Variants in RALA observed in about 807,000 individuals in gnomAD.
The protein encoded by RALA is RAS like proto-oncogene A.
A neutral mutation model predicts 24.0 loss-of-function variants in RALA; 5 were observed. The ratio of observed to expected loss-of-function variants is 0.21; its 90% CI spans 0.11 to 0.44. The LOEUF (loss-of-function observed/expected upper bound fraction) is 0.44. Ranked by LOEUF, RALA falls within the 20% of genes least tolerant of loss-of-function variation. The probability of loss-of-function intolerance (pLI) is 0.99; values close to 1 mark genes in which losing one functional copy is unlikely to be tolerated. For synonymous variants in RALA, 77 were observed against 83.8 expected, an observed-to-expected ratio of 0.92 and a Z score of 0.44; for missense variants, 95 against 241.2, an observed-to-expected ratio of 0.39 and a Z score of 4.01.
At chr7:39,690,278 C>G in intron 2 of RALA, 104 bp from the exon 3 acceptor site, 1 of 923,046 alleles carries the variant, frequency 1.1e-6, no homozygotes, top group South Asian at 1.8e-5. Context: ...GTATACAGAA[C>G]TCTTCTTGTA....
chr7:39,661,764 T>G (rs1792195059), intron 1 of RALA, among the ~76,000 whole-genome samples: 1 of 152,224 alleles, frequency 6.6e-6, no homozygotes, highest in Non-Finnish European at 1.5e-5. Context: ...TTTACCATTC[T>G]AGGGTCTGGA....
At chr7:39,705,990 C>T (rs1351441398) in intron 4 of RALA, 133 bp from the exon 5 acceptor site, 15 of 735,542 alleles carry the variant, frequency 2.0e-5, no homozygotes, top group Non-Finnish European at 2.5e-5. Flanking sequence ...TTATGCTTTC[C>T]GCTCTGTACT....
chr7:39,672,484 C>T (rs1380824708), intron 1 of RALA, among the ~76,000 whole-genome samples: 1 of 152,184 alleles, frequency 6.6e-6, no homozygotes, highest in Non-Finnish European at 1.5e-5. Flanking sequence ...CATTTAATCA[C>T]ACACCATACA....
At chr7:39,695,939 T>C (rs772749490) in intron 3 of RALA, among the ~76,000 whole-genome samples, 5 of 152,206 alleles carry the variant, frequency 3.3e-5, no homozygotes, top group Non-Finnish European at 5.9e-5. Flanking sequence ...TTTTTGAATA[T>C]TTACTCTGTC....
chr7:39,656,670 T>G (rs900019355), intron 1 of RALA, among the ~76,000 whole-genome samples: 1 of 152,188 alleles, frequency 6.6e-6, no homozygotes, highest in Non-Finnish European at 1.5e-5. Flanking sequence ...CTGAAGGAAG[T>G]TAGTTGAACT....
At chr7:39,670,252 C>A (rs1277044850) in intron 1 of RALA, among the ~76,000 whole-genome samples, 1 of 152,270 alleles carries the variant, frequency 6.6e-6, no homozygotes, top group Admixed American at 6.5e-5. Context: ...CTTAAGTGAT[C>A]TTCTCACCTG....
In RALA at chr7:39,643,161, A is replaced by G. The variant is rs142753981; in HGVS notation, c.-38+19336A>G. Among the ~76,000 whole-genome samples the G allele has an allele frequency of 3.3e-4, 50 of 152,350 alleles. No individual in the cohort carries two copies. The East Asian group carries it at 9.2e-3, about 28-fold the overall frequency. On this transcript the variant is annotated intron_variant, in intron 1 of 4. Coordinates refer to ENST00000005257, the MANE Select transcript of RALA (RefSeq NM_005402.4). ...AGATAAGGAAACTTAAGACTATACC[A>G]TTAAGAATTAGGAAGTAAAGTTCAA...
intron 3 of RALA, among the ~76,000 whole-genome samples, chr7:39,691,525 T>C (rs1350817965): frequency 2.0e-5 from 3 of 152,136 alleles, no homozygotes; most frequent in Non-Finnish European, 4.4e-5. Flanking sequence ...TGGGAAACCT[T>C]CATGAAATAG....
chr7:39,699,286 G>A (rs545553810), intron 4 of RALA, among the ~76,000 whole-genome samples: 2 of 149,948 alleles, frequency 1.3e-5, no homozygotes, highest in Non-Finnish European at 3.0e-5. Flanking sequence ...GACTACAGGC[G>A]CCCGCCACCG....
chr7:39,695,517 T>A (rs376480190), intron 3 of RALA, among the ~76,000 whole-genome samples: 23 of 151,844 alleles, frequency 1.5e-4, no homozygotes, highest in Admixed American at 7.2e-4. Context: ...GCTCAAGCGA[T>A]CTTCCTGAGT....
rs553338840 is a variant in RALA at position 39,654,335 on chromosome 7, T to C, written c.-38+30510T>C. The stretch of plus-strand genomic sequence containing the variant: ...TCAGCTCAGTCTCCAATCCTCTTTC[T>C]TTATCTGTTTGAATTCTTTGATGGG... On this transcript the variant is annotated intron_variant, in intron 1 of 4. Coordinates refer to ENST00000005257, the MANE Select transcript of RALA (RefSeq NM_005402.4). 3.0e-4 allele frequency among the ~76,000 whole-genome samples: 46 copies of C among 152,332 alleles called. No homozygotes were observed. In the South Asian group the frequency reaches 7.9e-3, roughly 26 times the overall value.
At position 39,706,765 on chromosome 7, in the gene RALA, T is replaced by A. The variant is rs942612476; in HGVS notation, c.*520T>A. 1 of 152,568 alleles carries A rather than the reference T, an allele frequency of 6.6e-6. No individual in the cohort carries two copies. The highest frequency in any genetic ancestry group is 2.4e-5 in the African/African-American group (1 of 41,470). The allele number at this position is 152,568 out of a possible 1,614,324, so 9.5% of individuals were successfully genotyped here. ...ATAGTTAAACTGAGAGTAATTCATC[T>A]GTGAATCTGCTTTAATTACCTGGTG... On this transcript the variant is annotated 3_prime_UTR_variant, in exon 5 of 5. Transcript: ENST00000005257.
intron 3 of RALA, among the ~76,000 whole-genome samples, chr7:39,696,259 T>A (rs1792918703): frequency 1.3e-5 from 2 of 152,208 alleles, no homozygotes; most frequent in South Asian, 4.1e-4. Context: ...ACTTTCTAAA[T>A]CTTCCTCCCA....
At chr7:39,627,547 A>C (rs1360599321) in intron 1 of RALA, among the ~76,000 whole-genome samples, 1 of 151,644 alleles carries the variant, frequency 6.6e-6, no homozygotes, top group Non-Finnish European at 1.5e-5. Flanking sequence ...AATAAGACAT[A>C]GTTAGATTAT....
chr7:39,663,471 G>T (rs1303022263), intron 1 of RALA, among the ~76,000 whole-genome samples: 1 of 152,092 alleles, frequency 6.6e-6, no homozygotes, highest in Non-Finnish European at 1.5e-5. Context: ...GGACCCATAA[G>T]AAATGTTACT....
At chr7:39,636,067 G>A (rs1438983317) in intron 1 of RALA, among the ~76,000 whole-genome samples, 2 of 152,200 alleles carry the variant, frequency 1.3e-5, no homozygotes, top group Non-Finnish European at 2.9e-5. Flanking sequence ...GCTGAATAAT[G>A]TTCCATTGTG....
intron 1 of RALA, among the ~76,000 whole-genome samples, chr7:39,662,348 C>T (rs1014644302): frequency 2.0e-5 from 3 of 152,136 alleles, no homozygotes; most frequent in Non-Finnish European, 4.4e-5. Context: ...TTGAATTACT[C>T]CTCAGAAAAT....
At chr7:39,628,522 C>T (rs1791535671) in intron 1 of RALA, among the ~76,000 whole-genome samples, 1 of 152,076 alleles carries the variant, frequency 6.6e-6, no homozygotes, top group African/African-American at 2.4e-5. Context: ...TCACAGCATC[C>T]CTAGGTCAAA....
At chr7:39,698,679 C>G (rs964700244) in intron 4 of RALA, among the ~76,000 whole-genome samples, 4 of 151,912 alleles carry the variant, frequency 2.6e-5, no homozygotes, top group Admixed American at 2.6e-4. Flanking sequence ...CTATTTGAAC[C>G]TAAGGGGAGT....
Sources: allele counts gnomAD v4.1 joint callset (sites outside exome capture counted in the v4.1 genomes callset), GRCh38; gene constraint gnomAD v4.1.1; transcripts MANE v1.5; gene names NCBI Gene and HGNC (gene_info 2026-07-23, HGNC 2026-07-21).